Variants in B3GALT1 observed in about 807,000 individuals in gnomAD.
B3GALT1 encodes the protein beta-1,3-galactosyltransferase 1, also known as UDP-Gal:betaGlcNAc beta 1,3-galactosyltransferase, polypeptide 1.
In B3GALT1, 10 loss-of-function variants were observed where a neutral mutation model predicts 23.2. That is an observed-to-expected ratio of 0.43 (90% CI 0.27 to 0.73). B3GALT1 has a LOEUF of 0.73. Among genes scored for constraint, B3GALT1 ranks in the 30% least tolerant of loss-of-function variants. B3GALT1 has a pLI of 0.21. For missense variants in B3GALT1, 299 were observed against 405.4 expected (o/e 0.74, Z 2.25); for synonymous variants, 156 against 141.5 (o/e 1.10, Z -0.73).
chr2:167,866,383 C>A (rs570459776), intron 4 of B3GALT1, among the ~76,000 whole-genome samples: 1 of 152,174 alleles, frequency 6.6e-6, no homozygotes, highest in South Asian at 2.1e-4. Context: ...TACTTGAAAC[C>A]TTTCCTCCTA....
chr2:167,798,276 C>A (rs1420792040), intron 3 of B3GALT1, among the ~76,000 whole-genome samples: 1 of 152,124 alleles, frequency 6.6e-6, no homozygotes, highest in Non-Finnish European at 1.5e-5. Flanking sequence ...TGTGAAGAAG[C>A]TCTTTGGTTT....
At chr2:167,678,878 A>G (rs936129981) in intron 3 of B3GALT1, among the ~76,000 whole-genome samples, 4 of 152,202 alleles carry the variant, frequency 2.6e-5, no homozygotes, top group Non-Finnish European at 4.4e-5. Context: ...CATGTAATGT[A>G]TATTTTCATG....
At chr2:167,837,003 G>C (rs547466844) in intron 4 of B3GALT1, among the ~76,000 whole-genome samples, 175 of 152,158 alleles carry the variant, frequency 1.2e-3, no homozygotes, top group African/African-American at 4.1e-3. Flanking sequence ...CACCAGGCCT[G>C]CCCTAAAAGA....
chr2:167,509,666 C>T (rs1574109737), intron 2 of B3GALT1, among the ~76,000 whole-genome samples: 1 of 152,048 alleles, frequency 6.6e-6, no homozygotes, highest in Non-Finnish European at 1.5e-5. Context: ...GACCTTGACA[C>T]GAGAGAATGC....
intron 1 of B3GALT1, among the ~76,000 whole-genome samples, chr2:167,427,291 G>C (rs1199492768): frequency 6.6e-6 from 1 of 152,144 alleles, no homozygotes; most frequent in Non-Finnish European, 1.5e-5. Context: ...GAGAGCATCT[G>C]CTTGTTGGTG....
intron 1 of B3GALT1, among the ~76,000 whole-genome samples, chr2:167,462,685 G>A (rs1178185822): frequency 6.6e-6 from 1 of 152,138 alleles, no homozygotes; most frequent in African/African-American, 2.4e-5. Flanking sequence ...GAGGAGACAG[G>A]AATCGTAATA....
At chr2:167,638,182 G>A (rs1336224552) in intron 2 of B3GALT1, among the ~76,000 whole-genome samples, 1 of 151,966 alleles carries the variant, frequency 6.6e-6, no homozygotes, top group African/African-American at 2.4e-5. Flanking sequence ...TAATCAATTT[G>A]AAAATTAAGC....
intron 3 of B3GALT1, among the ~76,000 whole-genome samples, chr2:167,812,203 A>C (rs1688901965): frequency 6.6e-6 from 1 of 152,250 alleles, no homozygotes; most frequent in Admixed American, 6.5e-5. Flanking sequence ...TACAAGGCAT[A>C]GTTTCCTATA....
intron 3 of B3GALT1, among the ~76,000 whole-genome samples, chr2:167,677,768 G>A (rs1485583665): frequency 1.3e-5 from 2 of 152,150 alleles, no homozygotes; most frequent in African/African-American, 2.4e-5. Flanking sequence ...ATTTATAAAG[G>A]AAAGAGGTTT....
intron 4 of B3GALT1, among the ~76,000 whole-genome samples, chr2:167,841,056 G>A (rs1437289954): frequency 6.7e-6 from 1 of 150,018 alleles, no homozygotes; most frequent in Non-Finnish European, 1.5e-5. Context: ...GGATAGCATT[G>A]GGAGATATAC....
chr2:167,549,118 T>C (rs796223696), intron 2 of B3GALT1, among the ~76,000 whole-genome samples: 7 of 152,328 alleles, frequency 4.6e-5, no homozygotes, highest in Admixed American at 1.3e-4. Flanking sequence ...TGACAACACA[T>C]AAACCTCTCA....
chr2:167,860,972 G>T (rs1260487017), intron 4 of B3GALT1, among the ~76,000 whole-genome samples: 2 of 151,334 alleles, frequency 1.3e-5, no homozygotes, highest in African/African-American at 2.4e-5. Flanking sequence ...ACCTTTGAAA[G>T]TTGGTTTACC....
At chr2:167,528,142 A>G (rs1683253682) in intron 2 of B3GALT1, among the ~76,000 whole-genome samples, 1 of 152,218 alleles carries the variant, frequency 6.6e-6, no homozygotes. Context: ...CACACAGCTT[A>G]CTGTGGCCCA....
intron 1 of B3GALT1, among the ~76,000 whole-genome samples, chr2:167,346,329 T>G (rs1559071266): frequency 6.6e-6 from 1 of 152,156 alleles, no homozygotes; most frequent in African/African-American, 2.4e-5. Context: ...AATTTACTTA[T>G]GTATTTGCAT....
At chr2:167,804,880 A>T (rs1233886839) in intron 3 of B3GALT1, among the ~76,000 whole-genome samples, 12 of 152,126 alleles carry the variant, frequency 7.9e-5, no homozygotes, top group East Asian at 1.9e-4. Context: ...TTTCTAGTTC[A>T]AGATCCCTGA....
chr2:167,486,650 G>A (rs997428289), intron 1 of B3GALT1, among the ~76,000 whole-genome samples: 5 of 150,182 alleles, frequency 3.3e-5, no homozygotes, highest in Admixed American at 6.6e-5. Flanking sequence ...GCCGGGAGGC[G>A]AAGGTTGCAG....
At chr2:167,844,860 C>T (rs1250198534) in intron 4 of B3GALT1, among the ~76,000 whole-genome samples, 1 of 152,170 alleles carries the variant, frequency 6.6e-6, no homozygotes, top group Non-Finnish European at 1.5e-5. Context: ...GGTTTTCAAG[C>T]CTGGCTTGCC....
intron 3 of B3GALT1, among the ~76,000 whole-genome samples, chr2:167,719,987 A>G (rs1258952601): frequency 6.6e-6 from 1 of 152,084 alleles, no homozygotes; most frequent in East Asian, 1.9e-4. Context: ...CCCTTGGTGA[A>G]TGGGGAGATA....
rs184444973 is a variant in B3GALT1, at chr2:167,545,448, A to G, written c.-410+55171A>G. 5.4e-3 allele frequency among the ~76,000 whole-genome samples: 824 copies of G among 152,230 alleles called. 6 individuals are homozygous for G. The highest frequency in any genetic ancestry group is 8.7e-3 in the Non-Finnish European group (595 of 68,012). On this transcript the variant is annotated intron_variant, in intron 2 of 4. Transcript: ENST00000392690. ...TGTGGGTTGGTGGGCCTCACTGGTT[A>G]AAAACATCAGGCTGCAGCTAGAGCT...
Sources: allele counts gnomAD v4.1 joint callset (sites outside exome capture counted in the v4.1 genomes callset), GRCh38; gene constraint gnomAD v4.1.1; transcripts MANE v1.5; gene names NCBI Gene and HGNC (gene_info 2026-07-23, HGNC 2026-07-21).